ZFHX4: variants seen among roughly 807,000 people sequenced by gnomAD.
ZFHX4 encodes the protein zinc finger homeobox protein 4.
In ZFHX4, 56 loss-of-function variants were observed where a neutral mutation model predicts 267.6. That is an observed-to-expected ratio of 0.21 (90% CI 0.17 to 0.26). ZFHX4 has a LOEUF of 0.26. Ranked by LOEUF, ZFHX4 falls within the 10% of genes least tolerant of loss-of-function variation. The pLI is 1.00. For missense variants in ZFHX4, 4,332 were observed against 4,420.0 expected, an observed-to-expected ratio of 0.98 and a Z score of 0.56; for synonymous variants, 1,778 against 1,665.6, an observed-to-expected ratio of 1.07 and a Z score of -1.64.
At chr8:76,694,509 T>C (rs1024759513) in intron 1 of ZFHX4, among the ~76,000 whole-genome samples, 26 of 152,324 alleles carry the variant, frequency 1.7e-4, no homozygotes, top group African/African-American at 6.0e-4. Flanking sequence ...TCACAAATTA[T>C]GCTCTGCTGC....
intron 3 of ZFHX4, among the ~76,000 whole-genome samples, chr8:76,752,492 A>C (rs1809644105): frequency 1.3e-5 from 2 of 148,896 alleles, no homozygotes; most frequent in Non-Finnish European, 3.0e-5. Flanking sequence ...AAATCCAAAA[A>C]AAAAAAAAAA....
intron 3 of ZFHX4, among the ~76,000 whole-genome samples, chr8:76,756,948 A>G (rs754217592): frequency 4.6e-4 from 70 of 152,112 alleles, no homozygotes; most frequent in Admixed American, 2.6e-4. Context: ...TTTCCTCTGC[A>G]TTTACTTAAT....
At chr8:76,844,070 T>C (rs1812305249) in intron 6 of ZFHX4, among the ~76,000 whole-genome samples, 1 of 152,188 alleles carries the variant, frequency 6.6e-6, no homozygotes, top group South Asian at 2.1e-4. Context: ...GCCATAGCTG[T>C]ATATTAGTAA....
chr8:76,806,750 G>A (rs1811255494), intron 4 of ZFHX4, among the ~76,000 whole-genome samples: 1 of 152,060 alleles, frequency 6.6e-6, no homozygotes, highest in African/African-American at 2.4e-5. Context: ...AGAGAATTTA[G>A]GTACTGGGAT....
chr8:76,704,266 GC>G lies in ZFHX4; in HGVS notation c.180del (p.Leu61CysfsTer48). 1 of 1,614,010 alleles carries G rather than the reference GC, an allele frequency of 6.2e-7. No homozygotes were observed. The highest frequency in any genetic ancestry group is 1.1e-5 in the South Asian group (1 of 91,082). ...GAAAACGGATGAGCGCAAAAGTGAA[GC>G]CTTGCTGGGTTTCAGCGTTGAGAAT... is the stretch of plus-strand genomic sequence containing the variant. ...NLKTDERKSE[A>X]LLGFSVENAA... On this transcript the variant is annotated frameshift_variant, in exon 2 of 11. Transcript: ENST00000651372. LOFTEE classifies it high-confidence loss of function.
chr8:76,692,126 A>T (rs1355981669), intron 1 of ZFHX4, among the ~76,000 whole-genome samples: 1 of 152,058 alleles, frequency 6.6e-6, no homozygotes, highest in African/African-American at 2.4e-5. Flanking sequence ...TGGGTATTTA[A>T]TGCATTTCTG....
chr8:76,769,534 A>G (rs1337539718), intron 3 of ZFHX4, among the ~76,000 whole-genome samples: 1 of 151,934 alleles, frequency 6.6e-6, no homozygotes, highest in African/African-American at 2.4e-5. Context: ...TATTTTTTGT[A>G]GATACAGGAG....
At chr8:76,765,944 C>T (rs1310323431) in intron 3 of ZFHX4, among the ~76,000 whole-genome samples, 3 of 151,988 alleles carry the variant, frequency 2.0e-5, no homozygotes, top group African/African-American at 7.2e-5. Flanking sequence ...AAAATCCATG[C>T]TTTCATCTTC....
chr8:76,764,773 C>T (rs1372277762), intron 3 of ZFHX4, among the ~76,000 whole-genome samples: 1 of 152,176 alleles, frequency 6.6e-6, no homozygotes, highest in Non-Finnish European at 1.5e-5. Context: ...TGTTTAACTT[C>T]ATATTACTAT....
At chr8:76,721,046 G>A (rs1285371108) in intron 3 of ZFHX4, among the ~76,000 whole-genome samples, 3 of 152,064 alleles carry the variant, frequency 2.0e-5, no homozygotes, top group Non-Finnish European at 4.4e-5. Flanking sequence ...TGGCAGAAGG[G>A]GATGGGAATA....
intron 3 of ZFHX4, among the ~76,000 whole-genome samples, chr8:76,717,740 G>A (rs1408233162): frequency 6.6e-6 from 1 of 152,082 alleles, no homozygotes; most frequent in African/African-American, 2.4e-5. Flanking sequence ...AAGATCACAG[G>A]CAGGTGCCAC....
At chr8:76,727,498 G>C (rs1416482340) in intron 3 of ZFHX4, among the ~76,000 whole-genome samples, 1 of 152,100 alleles carries the variant, frequency 6.6e-6, no homozygotes, top group Admixed American at 6.6e-5. Flanking sequence ...AAGTGACTCA[G>C]TCACTGTCCT....
chr8:76,750,335 T>C (rs1392758804), intron 3 of ZFHX4, among the ~76,000 whole-genome samples: 1 of 152,082 alleles, frequency 6.6e-6, no homozygotes, highest in African/African-American at 2.4e-5. Flanking sequence ...AGTAAAAAAT[T>C]TGTAAAAAAT....
intron 1 of ZFHX4, among the ~76,000 whole-genome samples, chr8:76,698,657 T>C (rs1808019813): frequency 6.6e-6 from 1 of 152,010 alleles, no homozygotes; most frequent in Non-Finnish European, 1.5e-5. Context: ...AAATCTTCTT[T>C]GACTAGCTAA....
intron 3 of ZFHX4, among the ~76,000 whole-genome samples, chr8:76,744,078 G>A (rs1809391645): frequency 6.6e-6 from 1 of 152,268 alleles, no homozygotes; most frequent in East Asian, 1.9e-4. Flanking sequence ...GGGCACAGTG[G>A]CTCACGCCTG....
chr8:76,761,077 T>C (rs910590575), intron 3 of ZFHX4, among the ~76,000 whole-genome samples: 2 of 152,214 alleles, frequency 1.3e-5, no homozygotes, highest in Non-Finnish European at 2.9e-5. Flanking sequence ...AAAAGTGTCC[T>C]GTATCCCAAT....
In ZFHX4 at chr8:76,704,109, T is replaced by A. The variant is rs1808175801; in HGVS notation, c.21T>A (p.Pro7=). The A allele has an allele frequency of 1.2e-6, 2 of 1,611,520 alleles. No individual in the cohort carries two copies. Among genetic ancestry groups the A allele is most frequent in the Middle Eastern group, 1.7e-4 (1 of 6,044 alleles). Reference sequence around the variant, plus strand: ...TTGCCATGGAAACCTGTGACTCCCCTCCTATCTCAAGGCAGGAAAATGGGC... The same window carrying A: ...TTGCCATGGAAACCTGTGACTCCCCACCTATCTCAAGGCAGGAAAATGGGC... METCDS[P]PISRQENGQS... The change falls in exon 2 of 11, where the codon CCT becomes CCA. Residue 7 remains proline (P), a synonymous_variant. Coordinates refer to ENST00000651372, the MANE Select transcript of ZFHX4 (RefSeq NM_024721.5).
At chr8:76,681,692 C>T (rs1014642721) in intron 1 of ZFHX4, 72 bp downstream of exon 1, 1 of 376,620 alleles carries the variant, frequency 2.7e-6, no homozygotes, top group Non-Finnish European at 4.7e-6. Context: ...ATCTTTCCAG[C>T]CTGATCTTGC....
At chr8:76,758,334 T>C (rs905680911) in intron 3 of ZFHX4, among the ~76,000 whole-genome samples, 2 of 151,886 alleles carry the variant, frequency 1.3e-5, no homozygotes, top group African/African-American at 2.4e-5. Context: ...TACCTCAAAA[T>C]AAAGAAACAT....
Sources: gnomAD v4.1 joint callset for allele counts (sites outside exome capture counted in the v4.1 genomes callset) on GRCh38, gnomAD v4.1.1 for gene constraint, MANE v1.5 for transcripts, NCBI Gene and HGNC (gene_info 2026-07-23, HGNC 2026-07-21) for gene names.